Variants in ST3GAL1 observed in about 807,000 individuals in gnomAD.
ST3GAL1 encodes CMP-N-acetylneuraminate-beta-galactosamide-alpha-2,3-sialyltransferase 1.
Under a neutral mutation model 34.1 loss-of-function variants are expected in ST3GAL1, and 16 were observed. The ratio of observed to expected loss-of-function variants is 0.47; its 90% CI spans 0.32 to 0.71. ST3GAL1 has a LOEUF of 0.71. ST3GAL1 is among the 30% of genes least tolerant of loss of function. The pLI is 0.04. For synonymous variants in ST3GAL1, 191 were observed against 184.7 expected, an observed-to-expected ratio of 1.03 and a Z score of -0.28; for missense variants, 353 against 447.4, an observed-to-expected ratio of 0.79 and a Z score of 1.90.
intron 3 of ST3GAL1, among the ~76,000 whole-genome samples, chr8:133,493,346 G>A (rs1401930216): frequency 6.6e-6 from 1 of 152,220 alleles, no homozygotes; most frequent in Non-Finnish European, 1.5e-5. Flanking sequence ...GGAAGGGCAG[G>A]AGGTCTAGGG....
chr8:133,505,266 G>A (rs1036553597), intron 2 of ST3GAL1, among the ~76,000 whole-genome samples: 5 of 152,194 alleles, frequency 3.3e-5, no homozygotes, highest in African/African-American at 1.2e-4. Flanking sequence ...CAGGGCTCAG[G>A]TGTGCTTACT....
chr8:133,557,924 A>AG (rs1819107196), intron 1 of ST3GAL1, among the ~76,000 whole-genome samples: 1 of 149,786 alleles, frequency 6.7e-6, no homozygotes, highest in African/African-American at 2.5e-5. Context: ...AAAAAAAAAA[A>AG]GAGGCCAGTG....
intron 2 of ST3GAL1, among the ~76,000 whole-genome samples, chr8:133,517,590 T>G (rs1817684710): frequency 6.6e-6 from 1 of 152,216 alleles, no homozygotes; most frequent in African/African-American, 2.4e-5. Flanking sequence ...CCTCAAGTGA[T>G]CTGCCTGCTT....
chr8:133,477,139 A>G lies in ST3GAL1; in HGVS notation c.-373-539T>C, dbSNP rs141915414. ...ATTTCCCAGCTGTGGAGCCTTGGGAAAGTTATTTGACCTTCCTGACCCTCA... is the reference window on the plus strand; with the variant it reads ...ATTTCCCAGCTGTGGAGCCTTGGGAGAGTTATTTGACCTTCCTGACCCTCA... On this transcript the variant is annotated intron_variant, in intron 3 of 9. Transcript: ENST00000522652. 7.2e-3 allele frequency among the ~76,000 whole-genome samples: 1,098 copies of G among 152,272 alleles called. 17 individuals are homozygous for G. The highest frequency in any genetic ancestry group is 0.025 in the African/African-American group (1,030 of 41,542).
chr8:133,567,878 T>C (rs1184817482), intron 1 of ST3GAL1, among the ~76,000 whole-genome samples: 1 of 151,766 alleles, frequency 6.6e-6, no homozygotes, highest in Non-Finnish European at 1.5e-5. Flanking sequence ...GAGAAGCTTT[T>C]AATGGACCCT....
chr8:133,536,908 G>A (rs1403765110), intron 2 of ST3GAL1, among the ~76,000 whole-genome samples: 2 of 151,962 alleles, frequency 1.3e-5, no homozygotes, highest in African/African-American at 2.4e-5. Flanking sequence ...TCTCACACCC[G>A]AACGGTCAAC....
chr8:133,477,812 C>T (rs770738495), intron 3 of ST3GAL1, among the ~76,000 whole-genome samples: 3 of 151,936 alleles, frequency 2.0e-5, no homozygotes, highest in Non-Finnish European at 2.9e-5. Flanking sequence ...GAAATCTGAT[C>T]GATTCCTCCC....
intron 2 of ST3GAL1, among the ~76,000 whole-genome samples, chr8:133,530,231 C>T (rs1586645271): frequency 6.6e-6 from 1 of 152,178 alleles, no homozygotes; most frequent in East Asian, 1.9e-4. Context: ...ACAGCAGGCA[C>T]TCAGAGGACA....
At chr8:133,546,358 C>T (rs967561363) in intron 1 of ST3GAL1, among the ~76,000 whole-genome samples, 2 of 151,936 alleles carry the variant, frequency 1.3e-5, no homozygotes, top group African/African-American at 4.8e-5. Context: ...TGGCGCACAC[C>T]TGTAGTCTCA....
chr8:133,463,168 G>A (rs1284509647), intron 8 of ST3GAL1, among the ~76,000 whole-genome samples: 4 of 152,386 alleles, frequency 2.6e-5, no homozygotes, highest in South Asian at 2.1e-4. Context: ...CAGTAGGTTC[G>A]AGATGGGCCT....
intron 2 of ST3GAL1, among the ~76,000 whole-genome samples, chr8:133,500,570 C>G (rs1045751851): frequency 2.0e-5 from 3 of 152,162 alleles, no homozygotes; most frequent in Non-Finnish European, 4.4e-5. Context: ...TGAAGCGAGA[C>G]AGCCTGGGTC....
At chr8:133,470,736 C>T (rs72718260) in intron 5 of ST3GAL1, among the ~76,000 whole-genome samples, 5,072 of 152,274 alleles carry the variant, frequency 0.033, 138 homozygotes, top group Non-Finnish European at 0.054. Context: ...GAGTCAAGCA[C>T]TGCAGGCTGG....
At chr8:133,470,679 G>C (rs918473937) in intron 5 of ST3GAL1, among the ~76,000 whole-genome samples, 14 of 152,182 alleles carry the variant, frequency 9.2e-5, no homozygotes, top group Admixed American at 7.8e-4. Context: ...GTGCTGTCTG[G>C]AGAGGGATGA....
In ST3GAL1 at chr8:133,458,801, T is replaced by G. The variant is rs891205934; in HGVS notation, c.*963A>C. 1 of 152,056 alleles carries G rather than the reference T, an allele frequency of 6.6e-6. No homozygotes were observed. The highest frequency in any genetic ancestry group is 1.5e-5 in the Non-Finnish European group (1 of 68,034). The allele number at this position is 152,056 out of a possible 1,614,324, so 9.4% of individuals were successfully genotyped here. A position where few individuals can be genotyped will look rare whatever the true frequency, so the allele number is the denominator to read the frequency against. On this transcript the variant is annotated 3_prime_UTR_variant, in exon 10 of 10. Transcript: ENST00000522652. ...CTCGCCACGATTAGAACCATGAGACTGACTACTCAAAGGAACAACTGCTTG... is the reference window on the plus strand; with the variant it reads ...CTCGCCACGATTAGAACCATGAGACGGACTACTCAAAGGAACAACTGCTTG...
chr8:133,505,175 G>A (rs185647304), intron 2 of ST3GAL1, among the ~76,000 whole-genome samples: 506 of 152,280 alleles, frequency 3.3e-3, no homozygotes, highest in Non-Finnish European at 5.5e-3. Context: ...GCAAGCAGAA[G>A]CACTGACAGC....
chr8:133,569,898 C>G (rs1485307017), intron 1 of ST3GAL1, among the ~76,000 whole-genome samples: 3 of 152,244 alleles, frequency 2.0e-5, no homozygotes, highest in Non-Finnish European at 2.9e-5. Flanking sequence ...AGTAGAGCCC[C>G]CGCACGTAGT....
chr8:133,531,864 G>GGTTCGTAAAACTACGTTTCA lies in ST3GAL1; in HGVS notation c.-429+13890_-429+13909dup, dbSNP rs756022819. Among the ~76,000 whole-genome samples, 546 of 149,084 alleles carry GGTTCGTAAAACTACGTTTCA rather than the reference G, an allele frequency of 3.7e-3. 5 individuals carry two copies. The highest frequency in any genetic ancestry group is 4.3e-3 in the Non-Finnish European group (292 of 67,716). On this transcript the variant is annotated intron_variant, in intron 2 of 9. Coordinates refer to ENST00000522652, the MANE Select transcript of ST3GAL1 (RefSeq NM_173344.3). ...GCCATGTTCTTAACCACTGTACTGCGGTTCGTAAAACTACGTTTCAGGGAT... is the reference window on the plus strand; with the variant it reads ...GCCATGTTCTTAACCACTGTACTGCGGTTCGTAAAACTACGTTTCAGTTCGTAAAACTACGTTTCAGGGAT...
chr8:133,535,375 T>C (rs1818277914), intron 2 of ST3GAL1, among the ~76,000 whole-genome samples: 1 of 152,364 alleles, frequency 6.6e-6, no homozygotes, highest in Middle Eastern at 3.4e-3. Flanking sequence ...CATATTCACT[T>C]AATCAGACTT....
In ST3GAL1 at chr8:133,457,349, C is replaced by G. The variant is rs924639334; in HGVS notation, c.*2415G>C. On this transcript the variant is annotated 3_prime_UTR_variant, in exon 10 of 10. Transcript: ENST00000522652. Reference sequence around the variant, plus strand: ...AGAGAAGTCGACTGCTCAGCCTGAGCCTGTCATCCCTATATAGACTCAGCT... The same window carrying G: ...AGAGAAGTCGACTGCTCAGCCTGAGGCTGTCATCCCTATATAGACTCAGCT... 6.6e-6 allele frequency: 1 copy of G among 152,174 alleles called. No individual in the cohort carries two copies. Among genetic ancestry groups the G allele is most frequent in the Non-Finnish European group, 1.5e-5 (1 of 68,078 alleles). 9.4% of individuals were successfully genotyped at this position (152,174 alleles called of 1,614,324 possible).
Sources: gnomAD v4.1 joint callset for allele counts (sites outside exome capture counted in the v4.1 genomes callset) on GRCh38, gnomAD v4.1.1 for gene constraint, MANE v1.5 for transcripts, NCBI Gene and HGNC (gene_info 2026-07-23, HGNC 2026-07-21) for gene names.